The following OIT3 variants were observed in gnomAD, a reference collection of about 807,000 sequenced individuals.
The protein encoded by OIT3 is oncoprotein-induced transcript 3 protein.
A neutral mutation model predicts 52.2 loss-of-function variants in OIT3; 41 were observed. The observed-to-expected ratio is 0.79, with a 90% CI of 0.61 to 1.02. OIT3 has a LOEUF of 1.02. Ranked by LOEUF, OIT3 falls within the 50% of genes least tolerant of loss-of-function variation. The pLI is 0.00. For missense variants in OIT3, 634 were observed against 715.5 expected (o/e 0.89, Z 1.30); for synonymous variants, 244 against 276.9 (o/e 0.88, Z 1.18).
chr10:72,898,996 C>T lies in OIT3; in HGVS notation c.394C>T (p.Arg132Cys), dbSNP rs775669343. 1.8e-5 allele frequency: 29 copies of T among 1,613,402 alleles called. No homozygotes were observed. The highest frequency in any genetic ancestry group is 2.2e-5 in the East Asian group (1 of 44,878). ...TTGCCCTGGAGGCTACTATGTGTAT[C>T]GTCTGACCAAGCCCAGCGTCTGCTT... ...KACPGGYYVYRLTKPSVCFHV... is the reference protein window; with the variant it reads ...KACPGGYYVYCLTKPSVCFHV... The change falls in exon 2 of 9, where the codon CGT (arginine) becomes TGT (cysteine). Residue 132 changes from arginine to cysteine, a missense_variant. Arg to Cys is a radical substitution (Grantham distance 180, BLOSUM62 -3). Coordinates refer to ENST00000334011, the MANE Select transcript of OIT3 (RefSeq NM_152635.3).
At chr10:72,924,983 C>T (rs1265515782) in intron 7 of OIT3, among the ~76,000 whole-genome samples, 1 of 151,900 alleles carries the variant, frequency 6.6e-6, no homozygotes, top group African/African-American at 2.4e-5. Context: ...TGGTGGCAGG[C>T]ACCTGTAATC....
chr10:72,904,392 A>C (rs1472259185), intron 3 of OIT3, among the ~76,000 whole-genome samples: 1 of 152,144 alleles, frequency 6.6e-6, no homozygotes, highest in Non-Finnish European at 1.5e-5. Context: ...CAGGCTTGGA[A>C]TAGAGGCTTC....
chr10:72,898,116 C>T (rs1461438239), intron 1 of OIT3, among the ~76,000 whole-genome samples: 1 of 141,112 alleles, frequency 7.1e-6, no homozygotes, highest in African/African-American at 2.9e-5. Context: ...AACCCTATCT[C>T]TACCAAAAAA....
intron 6 of OIT3, among the ~76,000 whole-genome samples, chr10:72,923,523 TCC>T (rs1846139531): frequency 6.6e-6 from 1 of 151,780 alleles, no homozygotes; most frequent in Non-Finnish European, 1.5e-5. Flanking sequence ...TTCCTTCACC[TCC>T]CCCTCCTCAG....
Position 72,906,554 on chromosome 10 carries a change from ATCAC to A in OIT3, c.545-38_545-35del, listed in dbSNP as rs776295721. 3.0e-5 allele frequency: 48 copies of A among 1,610,512 alleles called. No homozygotes were observed. In the Middle Eastern group the frequency reaches 4.9e-4, roughly 17 times the overall value. ...GCCCGGGGGGTTGGGAAAAGGCTGA[ATCAC>A]TCAGCAGTATAGAAACAGTGTGGTT... On this transcript the variant is annotated intron_variant, in intron 3 of 8. Transcript: ENST00000334011.
rs1420936883 is a variant in OIT3, at chr10:72,900,832, C to G, written c.544+348C>G. ...CCTGTAATCCCAGCACTTTGGGAGGCTGAGGCTGACAGATGGCTTGAGCCC... is the reference window on the plus strand; with the variant it reads ...CCTGTAATCCCAGCACTTTGGGAGGGTGAGGCTGACAGATGGCTTGAGCCC... On this transcript the variant is annotated intron_variant, in intron 3 of 8. Coordinates refer to ENST00000334011, the MANE Select transcript of OIT3 (RefSeq NM_152635.3). Among the ~76,000 whole-genome samples, 3 of 152,212 alleles carry G rather than the reference C, an allele frequency of 2.0e-5. No individual in the cohort carries two copies. The East Asian group carries it at 5.8e-4, about 29-fold the overall frequency.
In OIT3 at chr10:72,924,546, G is replaced by A. The variant is rs1846151904; in HGVS notation, c.1269G>A (p.Val423=). Residue 423 remains valine (V), a synonymous_variant, in exon 7 of 9, where the codon GTG becomes GTA. Transcript: ENST00000334011. ...RDSLYFGIEP[V]VHVSGLESLV... ...CCCTCTACTTTGGCATTGAGCCCGT[G>A]GTGCACGTGAGCGGCTTGGAAAGCT... 6.2e-7 allele frequency: 1 copy of A among 1,614,010 alleles called. No homozygotes were observed. The highest frequency in any genetic ancestry group is 1.7e-5 in the Admixed American group (1 of 59,998).
intron 6 of OIT3, among the ~76,000 whole-genome samples, chr10:72,915,932 C>A (rs906701105): frequency 3.3e-5 from 5 of 152,096 alleles, no homozygotes; most frequent in African/African-American, 1.2e-4. Context: ...GGTGAATTCA[C>A]ACATACCAAA....
At chr10:72,899,175 C>T in intron 2 of OIT3, 137 bp downstream of exon 2, 1 of 715,344 alleles carries the variant, frequency 1.4e-6, no homozygotes, top group Non-Finnish European at 2.2e-6. Flanking sequence ...CTAAAGATAC[C>T]TCTGATTTCT....
At chr10:72,905,742 G>A (rs1845973397) in intron 3 of OIT3, among the ~76,000 whole-genome samples, 1 of 152,112 alleles carries the variant, frequency 6.6e-6, no homozygotes, top group South Asian at 2.1e-4. Context: ...AGAGCCTTGG[G>A]CAGAGTTTCC....
intron 7 of OIT3, among the ~76,000 whole-genome samples, chr10:72,926,323 T>A (rs1436007957): frequency 6.6e-6 from 1 of 152,242 alleles, no homozygotes; most frequent in South Asian, 2.1e-4. Flanking sequence ...TTGATATACA[T>A]AGGATCAACT....
Position 72,932,628 on chromosome 10 carries a change from C to A in OIT3, c.*104C>A. ...TCTGCCAACAGCTGGGTTCAGACTT[C>A]ACACTGTGAGTTCAGACTCCCAGCA... is the stretch of plus-strand genomic sequence containing the variant. On this transcript the variant is annotated 3_prime_UTR_variant, in exon 9 of 9. Transcript: ENST00000334011. 9.4e-7 allele frequency: 1 copy of A among 1,061,792 alleles called. No individual in the cohort carries two copies. Among genetic ancestry groups the A allele is most frequent in the Non-Finnish European group, 1.3e-6 (1 of 745,408 alleles). 65.8% of individuals were successfully genotyped at this position (1,061,792 alleles called of 1,614,324 possible). A position where few individuals can be genotyped will look rare whatever the true frequency, so the allele number is the denominator to read the frequency against.
At chr10:72,917,010 C>T (rs1432243658) in intron 6 of OIT3, among the ~76,000 whole-genome samples, 7 of 152,014 alleles carry the variant, frequency 4.6e-5, no homozygotes, top group Admixed American at 2.0e-4. Context: ...CCTTTTCCCA[C>T]GTTTTAATGT....
Position 72,930,640 on chromosome 10 carries a change from G to A in OIT3, c.1467+3G>A. The A allele has an allele frequency of 6.8e-7, 1 of 1,470,938 alleles. No individual in the cohort carries two copies. Among genetic ancestry groups the A allele is most frequent in the Non-Finnish European group, 9.5e-7 (1 of 1,054,780 alleles). The allele number at this position is 1,470,938 out of a possible 1,614,324, so 91.1% of individuals were successfully genotyped here. On this transcript the variant is annotated splice_donor_region_variant and intron_variant, in intron 8 of 8. Coordinates refer to ENST00000334011, the MANE Select transcript of OIT3 (RefSeq NM_152635.3). ...AGTTTGTGGGCAAAGACCACAAGGT[G>A]AGTTGAACATCTTTAATTTATAACC...
intron 2 of OIT3, among the ~76,000 whole-genome samples, chr10:72,899,477 C>T (rs1311443537): frequency 2.0e-5 from 3 of 151,780 alleles, no homozygotes; most frequent in Non-Finnish European, 2.9e-5. Context: ...CAACTGTAAC[C>T]CCAGCTACCC....
intron 7 of OIT3, among the ~76,000 whole-genome samples, chr10:72,925,819 C>G (rs1302113548): frequency 2.6e-5 from 4 of 152,146 alleles, no homozygotes; most frequent in Non-Finnish European, 5.9e-5. Flanking sequence ...GTTGCCCAGG[C>G]TGGTCCTGAA....
At chr10:72,912,279 T>TC (rs1032021222) in intron 5 of OIT3, among the ~76,000 whole-genome samples, 5 of 149,040 alleles carry the variant, frequency 3.4e-5, no homozygotes, top group African/African-American at 1.0e-4. Context: ...TTTCTTTTTT[T>TC]TTTTTTTTTT....
At chr10:72,929,080 A>T (rs888875004) in intron 7 of OIT3, among the ~76,000 whole-genome samples, 1 of 151,960 alleles carries the variant, frequency 6.6e-6, no homozygotes, top group Non-Finnish European at 1.5e-5. Context: ...GGTGGCACAC[A>T]CCTATAATCC....
intron 6 of OIT3, among the ~76,000 whole-genome samples, chr10:72,920,806 C>T (rs1482774938): frequency 1.3e-5 from 2 of 152,128 alleles, no homozygotes; most frequent in Non-Finnish European, 2.9e-5. Context: ...GTTATGATTT[C>T]AGTTCTTTTG....
Sources: allele counts gnomAD v4.1 joint callset (sites outside exome capture counted in the v4.1 genomes callset), GRCh38; gene constraint gnomAD v4.1.1; transcripts MANE v1.5; gene names NCBI Gene and HGNC (gene_info 2026-07-23, HGNC 2026-07-21).